Variants in PLA2R1 observed in about 807,000 individuals in gnomAD.
PLA2R1 encodes the protein secretory phospholipase A2 receptor.
PLA2R1 carries 158 observed loss-of-function variants against 195.9 expected under a neutral mutation model. The observed-to-expected ratio is 0.81, with a 90% CI of 0.71 to 0.92. The LOEUF is 0.92. Ranked by LOEUF, PLA2R1 falls within the 40% of genes least tolerant of loss-of-function variation. The pLI, the probability that PLA2R1 is intolerant of heterozygous loss-of-function variation, is 0.00. For missense variants in PLA2R1, 1,626 were observed against 1,764.6 expected (o/e 0.92, Z 1.41); for synonymous variants, 586 against 598.2 (o/e 0.98, Z 0.30).
chr2:160,022,939 T>A, intron 6 of PLA2R1, 80 bp from the exon 7 acceptor site: 1 of 936,008 alleles, frequency 1.1e-6, no homozygotes, highest in Non-Finnish European at 1.6e-6. Context: ...AAATTGCCAT[T>A]AATATGATTA....
intron 28 of PLA2R1, among the ~76,000 whole-genome samples, chr2:159,943,190 G>T (rs1246084326): frequency 6.6e-6 from 1 of 151,874 alleles, no homozygotes; most frequent in African/African-American, 2.4e-5. Flanking sequence ...GGCTGGTCTC[G>T]AACTCCTGAC....
chr2:159,977,159 T>C (rs1192813218), intron 15 of PLA2R1, 125 bp downstream of exon 15: 1 of 713,144 alleles, frequency 1.4e-6, no homozygotes, highest in Non-Finnish European at 2.3e-6. Context: ...CATTTTTTGC[T>C]AAAGTAGTGT....
chr2:159,963,501 T>A (rs1175570481), intron 20 of PLA2R1, among the ~76,000 whole-genome samples: 1 of 152,190 alleles, frequency 6.6e-6, no homozygotes, highest in Non-Finnish European at 1.5e-5. Flanking sequence ...TGGATGGGGT[T>A]TAATATTTAG....
intron 21 of PLA2R1, among the ~76,000 whole-genome samples, chr2:159,956,162 G>A (rs914287473): frequency 5.3e-5 from 8 of 152,208 alleles, no homozygotes; most frequent in African/African-American, 1.9e-4. Flanking sequence ...TCAAATAAAA[G>A]CATGTAGGTA....
intron 11 of PLA2R1, among the ~76,000 whole-genome samples, chr2:159,998,091 T>C (rs902616962): frequency 6.6e-6 from 1 of 152,168 alleles, no homozygotes; most frequent in Non-Finnish European, 1.5e-5. Flanking sequence ...CATACCTTCC[T>C]TTAAAACTCT....
intron 27 of PLA2R1, chr2:159,945,685 A>G: frequency 2.1e-6 from 1 of 475,386 alleles, no homozygotes; most frequent in Non-Finnish European, 2.7e-6. Flanking sequence ...TTATAGCAGC[A>G]TGATTTATAG....
In PLA2R1 at chr2:160,033,832, C is replaced by A. The variant is rs868341393; in HGVS notation, c.668-700G>T. Among the ~76,000 whole-genome samples, 3 of 152,136 alleles carry A rather than the reference C, an allele frequency of 2.0e-5. No individual in the cohort carries two copies. In the South Asian group the frequency reaches 6.2e-4, roughly 31 times the overall value. Reference sequence around the variant, plus strand: ...GGGTGCTTTTGCTAACATTTAAAATCAAACTCCAAGGTGAACTAAGTAGCC... The same window carrying A: ...GGGTGCTTTTGCTAACATTTAAAATAAAACTCCAAGGTGAACTAAGTAGCC... On this transcript the variant is annotated intron_variant, in intron 3 of 29. Coordinates refer to ENST00000283243, the MANE Select transcript of PLA2R1 (RefSeq NM_007366.5).
At chr2:160,058,256 C>T (rs1351738356) in intron 1 of PLA2R1, among the ~76,000 whole-genome samples, 1 of 152,136 alleles carries the variant, frequency 6.6e-6, no homozygotes, top group Non-Finnish European at 1.5e-5. Flanking sequence ...CTCTTTCCGT[C>T]GGCGCAGCAT....
At position 160,028,935 on chromosome 2, in the gene PLA2R1, C is replaced by T. The variant is rs1693685627; in HGVS notation, c.870G>A (p.Val290=). The change falls in exon 5 of 30, where the codon GTG becomes GTA. Residue 290 remains valine (V), a synonymous_variant. Coordinates refer to ENST00000283243, the MANE Select transcript of PLA2R1 (RefSeq NM_007366.5). ...CATCCAGCTGATTGAGGCCCATCCA[C>T]ACCTCCACTGTTTTACTGCTCATGT... ...REHMSSKTVE[V]WMGLNQLDEH... is the part of the protein sequence containing the mutation. The T allele has an allele frequency of 3.1e-6, 5 of 1,601,316 alleles. No homozygotes were observed. In the South Asian group the frequency reaches 3.3e-5, roughly 11 times the overall value.
At chr2:160,057,623 T>C (rs947222694) in intron 1 of PLA2R1, among the ~76,000 whole-genome samples, 1 of 152,248 alleles carries the variant, frequency 6.6e-6, no homozygotes, top group East Asian at 1.9e-4. Flanking sequence ...CTCCTCTGCA[T>C]GCCTTCAGCA....
At chr2:159,948,642 C>CAAAAAAAAAAAAAAAAAAAAA (rs56329076) in intron 25 of PLA2R1, among the ~76,000 whole-genome samples, 2 of 95,840 alleles carry the variant, frequency 2.1e-5, no homozygotes. Flanking sequence ...CAAGTGCTAA[C>CAAAAAAAAAAAAAAAAAAAAA]AAAAAAAAAA....
intron 10 of PLA2R1, among the ~76,000 whole-genome samples, chr2:160,012,254 T>G (rs1016697203): frequency 1.3e-5 from 2 of 152,194 alleles, no homozygotes; most frequent in Non-Finnish European, 2.9e-5. Flanking sequence ...TGTAGTTTCC[T>G]GTGGCACCAC....
At chr2:159,942,203 T>A in intron 28 of PLA2R1, 44 bp from the exon 29 acceptor site, 2 of 1,456,062 alleles carry the variant, frequency 1.4e-6, no homozygotes, top group Non-Finnish European at 1.9e-6. Flanking sequence ...TTCTTTTAAT[T>A]CAGCAAAAAT....
chr2:160,023,595 A>G (rs1473303851), intron 6 of PLA2R1, among the ~76,000 whole-genome samples: 1 of 152,222 alleles, frequency 6.6e-6, no homozygotes, highest in Non-Finnish European at 1.5e-5. Flanking sequence ...AAAGAACTGT[A>G]AGTGTAATCA....
At chr2:160,031,631 T>G (rs1489601916) in intron 4 of PLA2R1, among the ~76,000 whole-genome samples, 2 of 152,224 alleles carry the variant, frequency 1.3e-5, no homozygotes, top group Non-Finnish European at 2.9e-5. Context: ...TGAGTAACCC[T>G]GCTACTTAAG....
At chr2:160,013,666 C>CCT (rs1341449653) in intron 9 of PLA2R1, among the ~76,000 whole-genome samples, 1 of 95,008 alleles carries the variant, frequency 1.1e-5, no homozygotes, top group African/African-American at 3.2e-5. Context: ...AAGATCTCTA[C>CCT]CTCTCTCTTT....
intron 10 of PLA2R1, 32 bp downstream of exon 10, chr2:160,013,231 G>A (rs376138627): frequency 1.3e-4 from 145 of 1,076,972 alleles, no homozygotes; most frequent in South Asian, 4.4e-4. Context: ...TGTGAAAGCC[G>A]TCTTGTTTCT....
At chr2:160,024,292 A>G (rs1484260030) in intron 6 of PLA2R1, among the ~76,000 whole-genome samples, 1 of 152,130 alleles carries the variant, frequency 6.6e-6, no homozygotes, top group Non-Finnish European at 1.5e-5. Flanking sequence ...CCCCATGCCA[A>G]GCTGCTGTGG....
At chr2:160,000,263 A>T (rs1424728323) in intron 11 of PLA2R1, among the ~76,000 whole-genome samples, 1 of 152,220 alleles carries the variant, frequency 6.6e-6, no homozygotes, top group East Asian at 1.9e-4. Flanking sequence ...GTTTGTAAGG[A>T]AACTTGTCTC....
Sources: allele counts gnomAD v4.1 joint callset (sites outside exome capture counted in the v4.1 genomes callset), GRCh38; gene constraint gnomAD v4.1.1; transcripts MANE v1.5; gene names NCBI Gene and HGNC (gene_info 2026-07-23, HGNC 2026-07-21).